Variants in FAT1 observed in about 807,000 individuals in gnomAD.
The protein encoded by FAT1 is FAT atypical cadherin 1.
A neutral mutation model predicts 329.8 loss-of-function variants in FAT1; 171 were observed. That is an observed-to-expected ratio of 0.52 (90% CI 0.46 to 0.59). The LOEUF (loss-of-function observed/expected upper bound fraction) is 0.59. FAT1 is among the 20% of genes least tolerant of loss of function. The pLI, the probability that FAT1 is intolerant of heterozygous loss-of-function variation, is 0.00. For synonymous variants in FAT1, 2,233 were observed against 2,228.6 expected, an observed-to-expected ratio of 1.00 and a Z score of -0.06; for missense variants, 5,672 against 5,774.4, an observed-to-expected ratio of 0.98 and a Z score of 0.57.
Position 186,706,906 on chromosome 4 carries a change from G to T in FAT1, c.2922C>A (p.Phe974Leu), listed in dbSNP as rs773046409. ...CTGCTCCACTGAGTTTATCCACATC[G>T]AAGTTTCCTTCTCCGTGGTCCAGAA... The part of the protein sequence containing the change: ...YSLLDHGEGN[F>L]DVDKLSGAVR... The change falls in exon 2 of 27, where the codon TTC becomes TTA. Residue 974 changes from phenylalanine to leucine, a missense_variant. Around this residue, in one of 2 missense-constraint regions of FAT1, gnomAD observed 3,966 missense variants for 3,915.2 expected, o/e 1.01. Transcript: ENST00000441802. 1.2e-6 allele frequency: 2 copies of T among 1,613,832 alleles called. No homozygotes were observed. Among genetic ancestry groups the T allele is most frequent in the East Asian group, 4.5e-5 (2 of 44,884 alleles).
intron 3 of FAT1, among the ~76,000 whole-genome samples, chr4:186,657,604 CA>C (rs1426309963): frequency 6.6e-6 from 1 of 152,034 alleles, no homozygotes; most frequent in African/African-American, 2.4e-5. Context: ...GAAAGCTTAT[CA>C]AATTGTAGAC....
In FAT1 at chr4:186,628,618, A is replaced by G. The variant is rs748371496; in HGVS notation, c.4469T>C (p.Ile1490Thr). ...AVDQDEKNKL[I>T]YTLQSSRDPL... is the part of the protein sequence containing the mutation. Reference sequence around the variant, plus strand: ...ATCTCTACTGCTCTGCAGAGTGTAGATTAGTTTGTTTTTCTCATCCTGATC... The same window carrying G: ...ATCTCTACTGCTCTGCAGAGTGTAGGTTAGTTTGTTTTTCTCATCCTGATC... Residue 1490 changes from isoleucine (I) to threonine (T), a missense_variant, in exon 8 of 27, where the codon ATC becomes ACC. Around this residue, in one of 2 missense-constraint regions of FAT1, gnomAD observed 3,966 missense variants for 3,915.2 expected, o/e 1.01. Transcript: ENST00000441802. 10 of 1,613,814 alleles carry G rather than the reference A, an allele frequency of 6.2e-6. No individual in the cohort carries two copies. Among genetic ancestry groups the G allele is most frequent in the South Asian group, 4.4e-5 (4 of 91,080 alleles).
intron 2 of FAT1, among the ~76,000 whole-genome samples, chr4:186,688,387 C>T (rs1156742279): frequency 1.3e-5 from 2 of 152,124 alleles, no homozygotes; most frequent in African/African-American, 4.8e-5. Context: ...TGTATCTGCT[C>T]CCTGAACTGA....
intron 9 of FAT1, among the ~76,000 whole-genome samples, chr4:186,627,088 G>A (rs1579347738): frequency 8.2e-6 from 1 of 121,850 alleles, no homozygotes; most frequent in Non-Finnish European, 1.6e-5. Flanking sequence ...CCCACAGAAT[G>A]AATGAATGAA....
At chr4:186,646,085 C>G (rs1741372282) in intron 3 of FAT1, among the ~76,000 whole-genome samples, 1 of 151,712 alleles carries the variant, frequency 6.6e-6, no homozygotes, top group Admixed American at 6.6e-5. Flanking sequence ...AGAGCAAGCA[C>G]TTGCAATCTG....
intron 1 of FAT1, among the ~76,000 whole-genome samples, chr4:186,713,539 T>C (rs1745064814): frequency 6.6e-6 from 1 of 152,216 alleles, no homozygotes; most frequent in African/African-American, 2.4e-5. Flanking sequence ...CTGTACTGTA[T>C]TCTTGGTAAG....
intron 17 of FAT1, among the ~76,000 whole-genome samples, 167 bp downstream of exon 17, chr4:186,605,903 G>A (rs1481599653): frequency 6.6e-6 from 1 of 152,026 alleles, no homozygotes; most frequent in African/African-American, 2.4e-5. Flanking sequence ...TAAAAGCTTG[G>A]CTTTATCTTT....
chr4:186,713,179 T>G (rs972940775), intron 1 of FAT1, among the ~76,000 whole-genome samples: 1 of 151,980 alleles, frequency 6.6e-6, no homozygotes, highest in Non-Finnish European at 1.5e-5. Context: ...CTTCTCTCCA[T>G]CCTAGAATCC....
At chr4:186,722,021 A>G (rs571127877) in intron 1 of FAT1, among the ~76,000 whole-genome samples, 1 of 152,278 alleles carries the variant, frequency 6.6e-6, no homozygotes, top group East Asian at 1.9e-4. Flanking sequence ...TATTTTTAGT[A>G]GAGACGGGGT....
intron 2 of FAT1, among the ~76,000 whole-genome samples, chr4:186,678,475 T>C (rs1743049780): frequency 6.7e-6 from 1 of 149,240 alleles, no homozygotes; most frequent in Non-Finnish European, 1.5e-5. Context: ...TAAATTAATG[T>C]AATAGAACAT....
chr4:186,642,257 G>T (rs1252260752), intron 3 of FAT1, among the ~76,000 whole-genome samples: 2 of 152,120 alleles, frequency 1.3e-5, no homozygotes, highest in Non-Finnish European at 1.5e-5. Context: ...TGCAGGGCCT[G>T]GCGTGGGTTC....
chr4:186,598,291 G>A lies in FAT1; in HGVS notation c.12104-166C>T, dbSNP rs561566004. The stretch of plus-strand genomic sequence containing the variant: ...CTACATCAACAAGCCTTCCACTGCT[G>A]GTATAACCAAAACACCCAGAATTGA... On this transcript the variant is annotated intron_variant, in intron 22 of 26. Coordinates refer to ENST00000441802, the MANE Select transcript of FAT1 (RefSeq NM_005245.4). Among the ~76,000 whole-genome samples the A allele has an allele frequency of 2.7e-4, 41 of 152,224 alleles. 1 individual carries two copies. The highest frequency in any genetic ancestry group is 5.6e-4 in the Non-Finnish European group (38 of 68,018).
chr4:186,687,603 T>C (rs1416449137), intron 2 of FAT1, among the ~76,000 whole-genome samples: 4 of 152,198 alleles, frequency 2.6e-5, no homozygotes, highest in Non-Finnish European at 5.9e-5. Flanking sequence ...ACCAACATGG[T>C]GCGCTGGGCA....
At chr4:186,627,969 T>C (rs1194630948) in intron 9 of FAT1, among the ~76,000 whole-genome samples, 185 bp downstream of exon 9, 2 of 149,824 alleles carry the variant, frequency 1.3e-5, no homozygotes, top group Non-Finnish European at 3.0e-5. Context: ...AACTCTCTGA[T>C]GGGCTAAAAG....
chr4:186,627,933 T>C (rs1740395119), intron 9 of FAT1, among the ~76,000 whole-genome samples: 2 of 151,998 alleles, frequency 1.3e-5, no homozygotes, highest in Non-Finnish European at 2.9e-5. Context: ...TGGGCTAATA[T>C]TGTGAATCCC....
At position 186,603,209 on chromosome 4, in the gene FAT1, G is replaced by C. The variant is rs774876308; in HGVS notation, c.11317C>G (p.Arg3773Gly). ...STARLSFVTP[R>G]HHRAAVCLCK... ...AGACACACCGCTGCCCTGTGGTGGCGGGGAGTCACAAAACTCAGTCTGGCT... is the reference window on the plus strand; with the variant it reads ...AGACACACCGCTGCCCTGTGGTGGCCGGGAGTCACAAAACTCAGTCTGGCT... The change falls in exon 19 of 27, where the codon CGC becomes GGC. Residue 3773 changes from arginine (R) to glycine (G), a missense_variant. By Grantham distance (125) the Arg-to-Gly change is moderately radical. Around this residue, in one of 2 missense-constraint regions of FAT1, gnomAD observed 1,706 missense variants for 1,859.1 expected, o/e 0.92. Coordinates refer to ENST00000441802, the MANE Select transcript of FAT1 (RefSeq NM_005245.4). 1 of 1,613,600 alleles carries C rather than the reference G, an allele frequency of 6.2e-7. No homozygotes were observed. Among genetic ancestry groups the C allele is most frequent in the East Asian group, 2.2e-5 (1 of 44,854 alleles).
rs1265502649 is a variant in FAT1 at position 186,707,620 on chromosome 4, T to C, written c.2208A>G (p.Val736=). 5 of 1,613,886 alleles carry C rather than the reference T, an allele frequency of 3.1e-6. No individual in the cohort carries two copies. The highest frequency in any genetic ancestry group is 2.5e-6 in the Non-Finnish European group (3 of 1,179,902). The change falls in exon 2 of 27, where the codon GTA becomes GTG. Residue 736 remains valine (V), a synonymous_variant. Coordinates refer to ENST00000441802, the MANE Select transcript of FAT1 (RefSeq NM_005245.4). Reference sequence around the variant, plus strand: ...CAAGGTCAGTGGAGTTCATGAAAATTACACTGGAACCCACAGGCTGGTTTT... The same window carrying C: ...CAAGGTCAGTGGAGTTCATGAAAATCACACTGGAACCCACAGGCTGGTTTT... ...VKENQPVGSS[V]IFMNSTDLDT...
At chr4:186,647,326 A>G (rs1434012769) in intron 3 of FAT1, among the ~76,000 whole-genome samples, 1 of 152,192 alleles carries the variant, frequency 6.6e-6, no homozygotes, top group African/African-American at 2.4e-5. Context: ...CAACCCTAGA[A>G]GGGAGCTACC....
intron 2 of FAT1, among the ~76,000 whole-genome samples, chr4:186,692,175 C>T (rs1250535494): frequency 6.6e-6 from 1 of 152,194 alleles, no homozygotes; most frequent in Non-Finnish European, 1.5e-5. Context: ...TATTTCAAAT[C>T]CTAAGATTTC....
Sources: gnomAD v4.1 joint callset for allele counts (sites outside exome capture counted in the v4.1 genomes callset) on GRCh38, gnomAD v4.1.1 for gene constraint, gnomAD v4.1.1 regional missense constraint, MANE v1.5 for transcripts, NCBI Gene and HGNC (gene_info 2026-07-23, HGNC 2026-07-21) for gene names.